The following ST3GAL1 variants were observed in gnomAD, a reference collection of about 807,000 sequenced individuals.
ST3GAL1 encodes the protein CMP-N-acetylneuraminate-beta-galactosamide-alpha-2,3-sialyltransferase 1.
In ST3GAL1, 16 loss-of-function variants were observed where a neutral mutation model predicts 34.1. That is an observed-to-expected ratio of 0.47 (90% confidence interval 0.32 to 0.71). The LOEUF (loss-of-function observed/expected upper bound fraction) is 0.71, where lower values mean the gene tolerates loss of function less well. Among genes scored for constraint, ST3GAL1 ranks in the 30% least tolerant of loss-of-function variants. The pLI is 0.04. For synonymous variants in ST3GAL1, 191 were observed against 184.7 expected, an observed-to-expected ratio of 1.03 and a Z score of -0.28; for missense variants, 353 against 447.4, an observed-to-expected ratio of 0.79 and a Z score of 1.90.
intron 9 of ST3GAL1, 88 bp from the exon 10 acceptor site, chr8:133,460,025 C>A (rs1415051843): frequency 2.9e-6 from 4 of 1,391,694 alleles, no homozygotes; most frequent in Non-Finnish European, 3.9e-6. Flanking sequence ...TTCCTGGAAT[C>A]CCACAGGACC....
chr8:133,511,474 A>G (rs980165463), intron 2 of ST3GAL1, among the ~76,000 whole-genome samples: 3 of 152,338 alleles, frequency 2.0e-5, no homozygotes, highest in East Asian at 1.9e-4. Context: ...AAGCCATTCA[A>G]TCTTCCAAAC....
At chr8:133,568,574 T>C (rs1004923632) in intron 1 of ST3GAL1, among the ~76,000 whole-genome samples, 6 of 152,172 alleles carry the variant, frequency 3.9e-5, no homozygotes, top group African/African-American at 1.4e-4. Context: ...ATTTTATTTT[T>C]TGCTTTCCTG....
chr8:133,460,448 G>C (rs1169671230), intron 9 of ST3GAL1, among the ~76,000 whole-genome samples: 1 of 152,204 alleles, frequency 6.6e-6, no homozygotes, highest in Non-Finnish European at 1.5e-5. Flanking sequence ...GTGAGGCAGA[G>C]GGCAGGGCTG....
chr8:133,551,840 T>G (rs1027117437), intron 1 of ST3GAL1, among the ~76,000 whole-genome samples: 19 of 152,234 alleles, frequency 1.2e-4, no homozygotes, highest in Non-Finnish European at 2.2e-4. Flanking sequence ...CCCTTTATAC[T>G]CAAAAGCTCA....
intron 2 of ST3GAL1, among the ~76,000 whole-genome samples, chr8:133,502,155 T>C (rs1327966161): frequency 1.3e-5 from 2 of 152,142 alleles, no homozygotes; most frequent in Non-Finnish European, 2.9e-5. Flanking sequence ...ATGTGAGGCC[T>C]GCTATCCCTG....
At chr8:133,529,688 C>G (rs891473200) in intron 2 of ST3GAL1, among the ~76,000 whole-genome samples, 1 of 152,166 alleles carries the variant, frequency 6.6e-6, no homozygotes, top group African/African-American at 2.4e-5. Context: ...TCAACAAGAA[C>G]CCCTCTGGTC....
intron 2 of ST3GAL1, among the ~76,000 whole-genome samples, chr8:133,533,419 C>A (rs1435344962): frequency 1.3e-5 from 2 of 152,164 alleles, no homozygotes; most frequent in Non-Finnish European, 2.9e-5. Flanking sequence ...TGTGAGAGCT[C>A]ACCCCGCTCC....
intron 3 of ST3GAL1, among the ~76,000 whole-genome samples, chr8:133,496,514 G>GTA (rs1348382323): frequency 2.6e-5 from 4 of 152,316 alleles, no homozygotes; most frequent in East Asian, 1.9e-4. Flanking sequence ...AGCAAAGGTT[G>GTA]TAGCATTTCC....
In ST3GAL1 at chr8:133,556,724, C is replaced by T. The variant is rs762969417; in HGVS notation, c.-581-10798G>A. Among the ~76,000 whole-genome samples the T allele has an allele frequency of 6.6e-6, 1 of 152,198 alleles. No homozygotes were observed. Among genetic ancestry groups the T allele is most frequent in the Non-Finnish European group, 1.5e-5 (1 of 68,040 alleles). ...GGAAACCTTGCACCCAAGGACACGG[C>T]TGACATCATATAAAGTCTGTCCCTG... On this transcript the variant is annotated intron_variant, in intron 1 of 9. Coordinates refer to ENST00000522652, the MANE Select transcript of ST3GAL1 (RefSeq NM_173344.3). This position sits in a 1 kb window ranked among gnomAD's most constrained non-coding sequence, Gnocchi z 8.9.
At chr8:133,491,696 G>A (rs1325059954) in intron 3 of ST3GAL1, among the ~76,000 whole-genome samples, 1 of 152,212 alleles carries the variant, frequency 6.6e-6, no homozygotes, top group African/African-American at 2.4e-5. Context: ...TATAAACCCA[G>A]CTACTACAAT....
chr8:133,506,391 A>G (rs1418487462), intron 2 of ST3GAL1, among the ~76,000 whole-genome samples: 2 of 152,202 alleles, frequency 1.3e-5, no homozygotes, highest in Non-Finnish European at 2.9e-5. Flanking sequence ...ATAAGAGCAA[A>G]TATTTTTAGG....
At chr8:133,514,905 T>A (rs946844626) in intron 2 of ST3GAL1, among the ~76,000 whole-genome samples, 3 of 152,050 alleles carry the variant, frequency 2.0e-5, no homozygotes. Context: ...ACACCACACA[T>A]TGCCATGTGC....
chr8:133,568,173 G>A (rs568954981), intron 1 of ST3GAL1, among the ~76,000 whole-genome samples: 4 of 152,138 alleles, frequency 2.6e-5, no homozygotes, highest in Admixed American at 6.5e-5. Context: ...CACCCACCTC[G>A]GCCTCCCAAA....
At chr8:133,480,408 C>A (rs1238358101) in intron 3 of ST3GAL1, among the ~76,000 whole-genome samples, 2 of 152,172 alleles carry the variant, frequency 1.3e-5, no homozygotes, top group Non-Finnish European at 2.9e-5. Context: ...GGGTTTTGAA[C>A]CTGTAGTAAA....
intron 1 of ST3GAL1, among the ~76,000 whole-genome samples, chr8:133,560,014 C>CAG (rs1157281957): frequency 2.6e-5 from 4 of 152,158 alleles, no homozygotes; most frequent in African/African-American, 9.7e-5. Flanking sequence ...AACAAAATTA[C>CAG]AGATAGGAGG....
At chr8:133,540,982 CAT>C (rs1388167884) in intron 2 of ST3GAL1, among the ~76,000 whole-genome samples, 49 of 92,912 alleles carry the variant, frequency 5.3e-4, no homozygotes, top group East Asian at 1.2e-3. Context: ...TATATGCAGA[CAT>C]ATATATAGAC....
At chr8:133,463,592 G>C in intron 7 of ST3GAL1, 133 bp from the exon 8 acceptor site, 1 of 942,062 alleles carries the variant, frequency 1.1e-6, no homozygotes, top group Non-Finnish European at 1.6e-6. Flanking sequence ...CTTCCCTCAG[G>C]GACCCCCACC....
rs561133914 is a variant in ST3GAL1, at chr8:133,497,878, G to A, written c.-374+1257C>T. Among the ~76,000 whole-genome samples, 4 of 152,250 alleles carry A rather than the reference G, an allele frequency of 2.6e-5. No homozygotes were observed. The East Asian group carries it at 5.8e-4, about 22-fold the overall frequency. On this transcript the variant is annotated intron_variant, in intron 3 of 9. Coordinates refer to ENST00000522652, the MANE Select transcript of ST3GAL1 (RefSeq NM_173344.3). ...GGTGAGCAGCCACTGTGATGGTAGT[G>A]GGGTATGGGAGCAAACACCCAGAGA...
chr8:133,564,786 C>CA (rs918671044), intron 1 of ST3GAL1, among the ~76,000 whole-genome samples: 2 of 152,180 alleles, frequency 1.3e-5, no homozygotes, highest in African/African-American at 4.8e-5. Context: ...ATCAACTGTA[C>CA]AAAGTGTGCC....
Sources: allele counts gnomAD v4.1 joint callset (sites outside exome capture counted in the v4.1 genomes callset), GRCh38; gene constraint gnomAD v4.1.1; non-coding constraint Gnocchi (gnomAD v3.1); transcripts MANE v1.5; gene names NCBI Gene and HGNC (gene_info 2026-07-23, HGNC 2026-07-21).